DMXL1: variants seen among roughly 807,000 people sequenced by gnomAD.
DMXL1 encodes the protein Dmx like 1, also known as dmX-like protein 1.
DMXL1 carries 99 observed loss-of-function variants against 319.2 expected under a neutral mutation model. That is an observed-to-expected ratio of 0.31 (90% CI 0.26 to 0.37). The LOEUF (loss-of-function observed/expected upper bound fraction) is 0.37. Among genes scored for constraint, DMXL1 ranks in the 10% least tolerant of loss-of-function variants. The pLI is 1.00. For missense variants in DMXL1, 3,745 were observed against 3,595.6 expected (o/e 1.04, Z -1.06); for synonymous variants, 1,385 against 1,235.2 (o/e 1.12, Z -2.54).
At chr5:119,110,045 A>G (rs1477546332) in intron 4 of DMXL1, 106 bp from the exon 5 acceptor site, 73 of 1,062,794 alleles carry the variant, frequency 6.9e-5, no homozygotes, top group Non-Finnish European at 9.0e-5. Context: ...ATTTTTTTTG[A>G]TATTTGACTT....
chr5:119,074,555 A>G (rs1750382069), intron 1 of DMXL1, among the ~76,000 whole-genome samples: 1 of 152,198 alleles, frequency 6.6e-6, no homozygotes, highest in South Asian at 2.1e-4. Flanking sequence ...ACTGAATGCC[A>G]CTTCTCCTAT....
At chr5:119,071,888 TAA>T (rs1264980360) in intron 1 of DMXL1, among the ~76,000 whole-genome samples, 1 of 152,200 alleles carries the variant, frequency 6.6e-6, no homozygotes, top group Non-Finnish European at 1.5e-5. Context: ...GTAGGATTTT[TAA>T]AGTTTTTGGT....
Position 119,247,291 on chromosome 5 carries a change from T to C in DMXL1, c.*72T>C, listed in dbSNP as rs1789969958. 16 of 1,021,200 alleles carry C rather than the reference T, an allele frequency of 1.6e-5. No homozygotes were observed. In the South Asian group the frequency reaches 2.8e-4, roughly 18 times the overall value. The allele number at this position is 1,021,200 out of a possible 1,614,324, so 63.3% of individuals were successfully genotyped here. On this transcript the variant is annotated 3_prime_UTR_variant, in exon 44 of 44. Transcript: ENST00000539542. ...CAACAGATATAATATACAGTGATCA[T>C]TCTCTATGCCACAAATTAGCTAATG...
intron 13 of DMXL1, chr5:119,138,879 T>C (rs1766633902): frequency 6.6e-6 from 1 of 152,172 alleles, no homozygotes; most frequent in African/African-American, 2.4e-5. Flanking sequence ...CAGCAGCACA[T>C]AAACTGAAAT....
intron 4 of DMXL1, among the ~76,000 whole-genome samples, chr5:119,105,923 T>A (rs1394411982): frequency 1.3e-5 from 2 of 150,032 alleles, no homozygotes; most frequent in Non-Finnish European, 3.0e-5. Context: ...GAAGAAAATA[T>A]AATGAATATA....
intron 13 of DMXL1, among the ~76,000 whole-genome samples, chr5:119,136,418 GAAA>G (rs1308132345): frequency 6.6e-6 from 1 of 152,222 alleles, no homozygotes; most frequent in African/African-American, 2.4e-5. Context: ...TGGTAGAAAA[GAAA>G]AACTCATTCC....
At chr5:119,215,308 T>C (rs1023988396) in intron 34 of DMXL1, among the ~76,000 whole-genome samples, 3 of 152,028 alleles carry the variant, frequency 2.0e-5, no homozygotes, top group African/African-American at 7.3e-5. Flanking sequence ...TGCCTTTCTT[T>C]TATTTATTTA....
chr5:119,235,932 A>G (rs1382980714), intron 39 of DMXL1, among the ~76,000 whole-genome samples: 1 of 152,106 alleles, frequency 6.6e-6, no homozygotes, highest in African/African-American at 2.4e-5. Flanking sequence ...CCCTTTCTGA[A>G]GAACATACCT....
In DMXL1 at chr5:119,237,319, A is replaced by G. The variant is rs201663793; in HGVS notation, c.8467-3A>G. The G allele has an allele frequency of 3.2e-6, 5 of 1,541,340 alleles. No homozygotes were observed. The African/African-American group carries it at 5.4e-5, about 17-fold the overall frequency. On this transcript the variant is annotated splice_region_variant and splice_polypyrimidine_tract_variant and intron_variant, in intron 39 of 43. Coordinates refer to ENST00000539542, the MANE Select transcript of DMXL1 (RefSeq NM_001290321.3). The stretch of plus-strand genomic sequence containing the variant: ...ATACTTTTAAATATTTTCTTTCTCT[A>G]AGTTTGGAATAGTTGATGCTGATGG...
At chr5:119,191,306 A>G (rs1451893960) in intron 29 of DMXL1, among the ~76,000 whole-genome samples, 1 of 152,184 alleles carries the variant, frequency 6.6e-6, no homozygotes, top group African/African-American at 2.4e-5. Flanking sequence ...TCCTGCACAA[A>G]TTGACATCTA....
rs70982467 is a variant in DMXL1, at chr5:119,089,999, CTTTTTTTTTTTTTTTTTTTTT to C, written c.88-7962_88-7942del. On this transcript the variant is annotated intron_variant, in intron 1 of 43. Coordinates refer to ENST00000539542, the MANE Select transcript of DMXL1 (RefSeq NM_001290321.3). Reference sequence around the variant, plus strand: ...TGATTATTTTATGCTTCGGGTTAGTCTTTTTTTTTTTTTTTTTTTTTTTTTTTTTTTTTTTTTTGAGAAGGA... The same window carrying C: ...TGATTATTTTATGCTTCGGGTTAGTCTTTTTTTTTTTTTTTTTGAGAAGGA... Among the ~76,000 whole-genome samples the C allele has an allele frequency of 1.7e-3, 57 of 34,402 alleles. No homozygotes were observed. The East Asian group carries it at 0.04, about 24-fold the overall frequency. 22.6% of individuals were successfully genotyped at this position (34,402 alleles called of 152,430 possible). A position where few individuals can be genotyped will look rare whatever the true frequency, so the allele number is the denominator to read the frequency against.
chr5:119,218,938 C>T (rs1348218087), intron 35 of DMXL1, among the ~76,000 whole-genome samples: 1 of 152,068 alleles, frequency 6.6e-6, no homozygotes, highest in Admixed American at 6.5e-5. Context: ...TAACAGTTAG[C>T]TTTCTGTTTC....
Position 119,149,226 on chromosome 5 carries a change from A to T in DMXL1, c.3399A>T (p.Thr1133=). 1 of 1,613,982 alleles carries T rather than the reference A, an allele frequency of 6.2e-7. No individual in the cohort carries two copies. Among genetic ancestry groups the T allele is most frequent in the South Asian group, 1.1e-5 (1 of 91,082 alleles). ...ATTTATCTAGTAAAGAGAATATCAC[A>T]TCAAACACAAAGCATTTAGTTCACT... ...DMYLSSKENI[T]SNTKHLVHLD... is the part of the protein sequence containing the mutation. The change falls in exon 18 of 44, where the codon ACA becomes ACT. Residue 1133 remains threonine (T), a synonymous_variant. Transcript: ENST00000539542.
intron 1 of DMXL1, among the ~76,000 whole-genome samples, chr5:119,076,502 TTG>T (rs1395431881): frequency 3.3e-5 from 5 of 152,122 alleles, no homozygotes; most frequent in African/African-American, 1.2e-4. Context: ...AGAAAGGTGT[TTG>T]TGGTGCATAA....
At chr5:119,220,789 T>A (rs1278046291) in intron 36 of DMXL1, 151 bp from the exon 37 acceptor site, 2 of 1,121,476 alleles carry the variant, frequency 1.8e-6, no homozygotes, top group Non-Finnish European at 2.5e-6. Context: ...ACAGAAATTG[T>A]TGAGGTATGA....
chr5:119,191,051 A>T (rs565280678), intron 29 of DMXL1, among the ~76,000 whole-genome samples: 4 of 152,332 alleles, frequency 2.6e-5, no homozygotes, highest in East Asian at 1.9e-4. Context: ...TAGTTTATTT[A>T]AAAAAACTTT....
intron 19 of DMXL1, among the ~76,000 whole-genome samples, chr5:119,153,486 T>C (rs1230355148): frequency 6.6e-6 from 1 of 152,228 alleles, no homozygotes; most frequent in Non-Finnish European, 1.5e-5. Flanking sequence ...AATACACTAT[T>C]ATTAAAGGTA....
At chr5:119,216,644 G>A (rs1191600710) in intron 34 of DMXL1, among the ~76,000 whole-genome samples, 5 of 151,942 alleles carry the variant, frequency 3.3e-5, no homozygotes, top group East Asian at 3.9e-4. Flanking sequence ...ACTGTATCTC[G>A]GGAGGATAGC....
intron 33 of DMXL1, 59 bp from the exon 34 acceptor site, chr5:119,206,775 T>G: frequency 5.9e-6 from 6 of 1,022,900 alleles, no homozygotes; most frequent in Non-Finnish European, 8.5e-6. Context: ...ATCCCCAGTA[T>G]TTTGCATGTT....
Sources: gnomAD v4.1 joint callset for allele counts (sites outside exome capture counted in the v4.1 genomes callset) on GRCh38, gnomAD v4.1.1 for gene constraint, MANE v1.5 for transcripts, NCBI Gene and HGNC (gene_info 2026-07-23, HGNC 2026-07-21) for gene names.